The following DSCAML1 variants were observed in gnomAD, a reference collection of about 807,000 sequenced individuals.
The protein encoded by DSCAML1 is DS cell adhesion molecule like 1, also known as cell adhesion molecule DSCAML1.
Under a neutral mutation model 200.5 loss-of-function variants are expected in DSCAML1, and 38 were observed. The ratio of observed to expected loss-of-function variants is 0.19; its 90% CI spans 0.15 to 0.25. The LOEUF (loss-of-function observed/expected upper bound fraction) is 0.25. Ranked by LOEUF, DSCAML1 falls within the 10% of genes least tolerant of loss-of-function variation. The pLI is 1.00. For synonymous variants in DSCAML1, 1,215 were observed against 1,165.0 expected (o/e 1.04, Z -0.87); for missense variants, 2,223 against 2,858.8 (o/e 0.78, Z 5.07).
At chr11:117,429,316 C>T (rs2047735134) in intron 32 of DSCAML1, among the ~76,000 whole-genome samples, 1 of 152,252 alleles carries the variant, frequency 6.6e-6, no homozygotes, top group Non-Finnish European at 1.5e-5. Flanking sequence ...GCGTTCCCCT[C>T]TTTCCCATGG....
Position 117,747,917 on chromosome 11 carries a change from A to G in DSCAML1, c.511+28874T>C, listed in dbSNP as rs139338339. Among the ~76,000 whole-genome samples the G allele has an allele frequency of 3.1e-3, 472 of 152,270 alleles. 1 individual carries two copies. The highest frequency in any genetic ancestry group is 4.3e-3 in the Non-Finnish European group (293 of 68,010). ...GTTAAGCTAGGATGACTTTACCAGG[A>G]AAGGAGCCCTCTAATCTTTAGTAAG... On this transcript the variant is annotated intron_variant, in intron 3 of 32. Coordinates refer to ENST00000651296, the MANE Select transcript of DSCAML1 (RefSeq NM_020693.4).
intron 3 of DSCAML1, among the ~76,000 whole-genome samples, chr11:117,692,103 C>T (rs2137721776): frequency 6.6e-6 from 1 of 152,174 alleles, no homozygotes; most frequent in East Asian, 1.9e-4. Flanking sequence ...AGTCTTCACA[C>T]CTTGGTGCAG....
intron 3 of DSCAML1, among the ~76,000 whole-genome samples, chr11:117,667,455 G>T (rs1458732205): frequency 6.6e-6 from 1 of 152,146 alleles, no homozygotes; most frequent in Non-Finnish European, 1.5e-5. Context: ...TCTGCCCGGG[G>T]TCTGACTAGC....
At chr11:117,486,405 G>GGAAAGTGGCGGATGT (rs2049062958) in intron 11 of DSCAML1, among the ~76,000 whole-genome samples, 2 of 147,766 alleles carry the variant, frequency 1.4e-5, no homozygotes, top group African/African-American at 5.1e-5. Context: ...GTGGCGGATG[G>GGAAAGTGGCGGATGT]GAAAGTGGCG....
At chr11:117,677,891 C>T (rs893328166) in intron 3 of DSCAML1, among the ~76,000 whole-genome samples, 2 of 152,164 alleles carry the variant, frequency 1.3e-5, no homozygotes, top group African/African-American at 4.8e-5. Context: ...GATCTTCACC[C>T]CTGTGCTGCA....
chr11:117,494,923 C>T (rs1042257858), intron 11 of DSCAML1, among the ~76,000 whole-genome samples: 7 of 152,142 alleles, frequency 4.6e-5, no homozygotes, highest in African/African-American at 1.7e-4. Flanking sequence ...GCCTTTCAAG[C>T]GCACATGGGC....
At chr11:117,600,109 T>C (rs2051436752) in intron 3 of DSCAML1, among the ~76,000 whole-genome samples, 1 of 152,234 alleles carries the variant, frequency 6.6e-6, no homozygotes, top group Non-Finnish European at 1.5e-5. Context: ...TCTTCATATA[T>C]GTCATGTAAA....
chr11:117,716,580 C>T (rs944876090), intron 3 of DSCAML1, among the ~76,000 whole-genome samples: 6 of 152,034 alleles, frequency 3.9e-5, no homozygotes, highest in East Asian at 1.9e-4. Context: ...CAGGGGAGCT[C>T]GAAGAAGTCA....
intron 3 of DSCAML1, among the ~76,000 whole-genome samples, chr11:117,652,306 C>T (rs774168505): frequency 9.9e-5 from 15 of 152,252 alleles, no homozygotes; most frequent in African/African-American, 1.4e-4. Context: ...ACCTGGGCTA[C>T]GCATGTGATG....
chr11:117,640,715 T>G (rs2052389321), intron 3 of DSCAML1, among the ~76,000 whole-genome samples: 1 of 152,196 alleles, frequency 6.6e-6, no homozygotes. Context: ...CTCTTCCCCA[T>G]GTCAATCCCA....
intron 3 of DSCAML1, among the ~76,000 whole-genome samples, chr11:117,652,646 A>G (rs2052658466): frequency 1.3e-5 from 2 of 152,220 alleles, no homozygotes; most frequent in Non-Finnish European, 2.9e-5. Context: ...CTTAGCTTCA[A>G]AATGCCTCAA....
intron 3 of DSCAML1, among the ~76,000 whole-genome samples, chr11:117,686,639 C>T (rs1591399514): frequency 1.3e-5 from 2 of 152,362 alleles, no homozygotes; most frequent in Admixed American, 1.3e-4. Context: ...ACTACGGCAC[C>T]TTCAAGAGTC....
chr11:117,532,131 C>CAAAA (rs397767566), intron 4 of DSCAML1, among the ~76,000 whole-genome samples: 3 of 139,334 alleles, frequency 2.2e-5, no homozygotes, highest in African/African-American at 8.0e-5. Flanking sequence ...ACAGGAAAGA[C>CAAAA]AAAAAAAAAA....
At chr11:117,526,127 C>T (rs898299014) in intron 4 of DSCAML1, among the ~76,000 whole-genome samples, 2 of 152,246 alleles carry the variant, frequency 1.3e-5, no homozygotes, top group Admixed American at 6.5e-5. Context: ...TCGGCCCTCT[C>T]AGGCTCGTTC....
At chr11:117,656,646 G>T (rs2052742807) in intron 3 of DSCAML1, among the ~76,000 whole-genome samples, 2 of 152,150 alleles carry the variant, frequency 1.3e-5, no homozygotes, top group South Asian at 4.1e-4. Flanking sequence ...AGGCTTAGTA[G>T]GGTTAAGAAA....
chr11:117,532,527 A>C lies in DSCAML1; in HGVS notation c.512-5T>G. The stretch of plus-strand genomic sequence containing the variant: ...AGGTAATAAAAAACCTGTGTTCTGG[A>C]GACACAATCAGGACATAGTTCGTTA... On this transcript the variant is annotated splice_region_variant and splice_polypyrimidine_tract_variant and intron_variant, in intron 3 of 32. Transcript: ENST00000651296. 6.2e-7 allele frequency: 1 copy of C among 1,612,828 alleles called. No homozygotes were observed. Among genetic ancestry groups the C allele is most frequent in the Non-Finnish European group, 8.5e-7 (1 of 1,179,346 alleles).
At chr11:117,617,437 T>A (rs928132967) in intron 3 of DSCAML1, among the ~76,000 whole-genome samples, 2 of 152,202 alleles carry the variant, frequency 1.3e-5, no homozygotes, top group African/African-American at 4.8e-5. Flanking sequence ...TATTTCACGC[T>A]GACTCGGTCT....
rs191400123 is a variant in DSCAML1, at chr11:117,725,575, G to A, written c.511+51216C>T. 1.5e-3 allele frequency among the ~76,000 whole-genome samples: 230 copies of A among 152,286 alleles called. 1 individual carries two copies. Among genetic ancestry groups the A allele is most frequent in the African/African-American group, 5.2e-3 (215 of 41,540 alleles). The stretch of plus-strand genomic sequence containing the variant: ...CTCCCTGTCCGATCCGCACTGTTGA[G>A]CACACCAGAGTGAAAACATATCATC... On this transcript the variant is annotated intron_variant, in intron 3 of 32. Transcript: ENST00000651296.
intron 16 of DSCAML1, among the ~76,000 whole-genome samples, chr11:117,466,379 G>T (rs991183342): frequency 6.6e-5 from 10 of 152,228 alleles, no homozygotes; most frequent in African/African-American, 2.4e-4. Context: ...ATTCCACTTA[G>T]GTGGTACTTA....
Sources: allele counts gnomAD v4.1 joint callset (sites outside exome capture counted in the v4.1 genomes callset), GRCh38; gene constraint gnomAD v4.1.1; transcripts MANE v1.5; gene names NCBI Gene and HGNC (gene_info 2026-07-23, HGNC 2026-07-21).